Variants in TTLL1 observed in about 807,000 individuals in gnomAD.
The protein encoded by TTLL1 is TTL family tubulin polyglutamylase complex subunit L1.
In TTLL1, 33 loss-of-function variants were observed where a neutral mutation model predicts 47.8. That is an observed-to-expected ratio of 0.69 (90% CI 0.52 to 0.92). TTLL1 has a LOEUF of 0.92. TTLL1 is among the 40% of genes least tolerant of loss of function. TTLL1 has a pLI of 0.00. For synonymous variants in TTLL1, 225 were observed against 214.1 expected, an observed-to-expected ratio of 1.05 and a Z score of -0.45; for missense variants, 488 against 547.5, an observed-to-expected ratio of 0.89 and a Z score of 1.08.
rs1390398413 is a variant in TTLL1, at chr22:43,069,832, T to C, written c.126A>G (p.Gln42=). The change falls in exon 4 of 11, where the codon CAA becomes CAG. Residue 42 remains glutamine (Q), a synonymous_variant. Transcript: ENST00000266254. ...EDWNFYWMSV[Q]TIRNVFSVEA... ...CAACGCTGAACACATTTCGGATGGT[T>C]TGCACACTCATCCTGAAAGAGATGA... 24 of 1,614,040 alleles carry C rather than the reference T, an allele frequency of 1.5e-5. No individual in the cohort carries two copies. Among genetic ancestry groups the C allele is most frequent in the Non-Finnish European group, 1.9e-5 (23 of 1,180,050 alleles).
At chr22:43,074,994 C>G (rs1161646296) in intron 3 of TTLL1, among the ~76,000 whole-genome samples, 1 of 152,094 alleles carries the variant, frequency 6.6e-6, no homozygotes, top group African/African-American at 2.4e-5. Context: ...TGGTGAAACC[C>G]CGTCTCTACT....
chr22:43,072,554 C>A (rs1928200597), intron 3 of TTLL1, among the ~76,000 whole-genome samples: 1 of 152,174 alleles, frequency 6.6e-6, no homozygotes, highest in African/African-American at 2.4e-5. Context: ...TCACTGTAGT[C>A]TTGACCTCCT....
chr22:43,045,787 C>A (rs1357497315), intron 10 of TTLL1, among the ~76,000 whole-genome samples: 1 of 152,106 alleles, frequency 6.6e-6, no homozygotes, highest in African/African-American at 2.4e-5. Context: ...ACCCAGCCTA[C>A]TCCAGCTATC....
At chr22:43,075,191 C>G (rs1928402995) in intron 3 of TTLL1, among the ~76,000 whole-genome samples, 1 of 152,080 alleles carries the variant, frequency 6.6e-6, no homozygotes, top group South Asian at 2.1e-4. Context: ...ATAACGCACG[C>G]TCACTGGAAG....
At chr22:43,063,462 C>CTT (rs34847416) in intron 7 of TTLL1, among the ~76,000 whole-genome samples, 9 of 139,716 alleles carry the variant, frequency 6.4e-5, no homozygotes, top group Non-Finnish European at 9.3e-5. Flanking sequence ...AAAGTCGGTC[C>CTT]TTTTTTTTTT....
chr22:43,088,594 C>T (rs922122649), intron 1 of TTLL1, among the ~76,000 whole-genome samples: 17 of 151,910 alleles, frequency 1.1e-4, no homozygotes, highest in African/African-American at 3.4e-4. Flanking sequence ...CCTCCCGCCT[C>T]GGCCTCCCAA....
chr22:43,081,764 G>A (rs1369333860), intron 1 of TTLL1, among the ~76,000 whole-genome samples: 1 of 150,790 alleles, frequency 6.6e-6, no homozygotes, highest in Non-Finnish European at 1.5e-5. Context: ...GGCCAGGTTG[G>A]TCTTGAACTC....
chr22:43,083,377 AG>A (rs1929024758), intron 1 of TTLL1, among the ~76,000 whole-genome samples: 1 of 145,916 alleles, frequency 6.9e-6, no homozygotes, highest in East Asian at 1.9e-4. Flanking sequence ...TCAAACAAAC[AG>A]ACAAAAAACA....
intron 7 of TTLL1, 86 bp downstream of exon 7, chr22:43,063,727 A>T (rs1037672758): frequency 1.5e-6 from 2 of 1,307,288 alleles, no homozygotes; most frequent in Non-Finnish European, 1.1e-6. Context: ...CAGCCTCCCA[A>T]AGTGCCGGGA....
intron 8 of TTLL1, among the ~76,000 whole-genome samples, chr22:43,056,949 C>T (rs1927057184): frequency 1.3e-5 from 2 of 152,120 alleles, no homozygotes; most frequent in African/African-American, 4.8e-5. Flanking sequence ...TGTGCCACCA[C>T]GCCCGGCTAA....
Position 43,064,273 on chromosome 22 carries a change from G to T in TTLL1, c.555C>A (p.Asn185Lys). Residue 185 changes from asparagine to lysine, a missense_variant, in exon 6 of 11, where the codon AAC (asparagine) becomes AAA (lysine). By Grantham distance (94) the Asn-to-Lys change is moderately conservative. Coordinates refer to ENST00000266254, the MANE Select transcript of TTLL1 (RefSeq NM_012263.5). ...KEAYVISLYINNPLLIGGRKF... is the reference protein window; with the variant it reads ...KEAYVISLYIKNPLLIGGRKF... ...TCCTCCCGCCAATTAGTAACGGGTT[G>T]TTAATATAGAGAGAGATCACGTAGG... is the stretch of plus-strand genomic sequence containing the variant. 1 of 1,614,178 alleles carries T rather than the reference G, an allele frequency of 6.2e-7. No homozygotes were observed. Among genetic ancestry groups the T allele is most frequent in the Non-Finnish European group, 8.5e-7 (1 of 1,180,022 alleles).
intron 1 of TTLL1, among the ~76,000 whole-genome samples, chr22:43,088,565 G>A (rs569356758): frequency 1.3e-5 from 2 of 150,500 alleles, no homozygotes; most frequent in Non-Finnish European, 3.0e-5. Context: ...GGATGGTCTC[G>A]ATCTCCTGAC....
intron 1 of TTLL1, among the ~76,000 whole-genome samples, chr22:43,085,265 C>T (rs930400830): frequency 9.2e-5 from 14 of 152,248 alleles, no homozygotes; most frequent in African/African-American, 2.6e-4. Flanking sequence ...TGTGAGCCAC[C>T]GCGCCTGGCA....
chr22:43,078,758 C>T (rs1293738872), intron 2 of TTLL1, among the ~76,000 whole-genome samples: 4 of 152,106 alleles, frequency 2.6e-5, no homozygotes, highest in Non-Finnish European at 2.9e-5. Context: ...TTAGGTGATC[C>T]GATATGGTGC....
Position 43,064,167 on chromosome 22 carries a change from A to G in TTLL1, c.638+23T>C, listed in dbSNP as rs1927573250. 6 of 1,601,838 alleles carry G rather than the reference A, an allele frequency of 3.7e-6. No homozygotes were observed. In the East Asian group the frequency reaches 1.3e-4, roughly 36 times the overall value. Reference sequence around the variant, plus strand: ...TGGGTGAAAACACAATCAAGAGGGAACCAAAACCTTAGGGACGCTTACATG... The same window carrying G: ...TGGGTGAAAACACAATCAAGAGGGAGCCAAAACCTTAGGGACGCTTACATG... On this transcript the variant is annotated intron_variant, in intron 6 of 10. Transcript: ENST00000266254.
intron 1 of TTLL1, among the ~76,000 whole-genome samples, chr22:43,086,295 C>T (rs1929224110): frequency 6.6e-6 from 1 of 152,146 alleles, no homozygotes; most frequent in Admixed American, 6.6e-5. Context: ...ATGTTGAATG[C>T]AGCTCACAAT....
chr22:43,072,205 G>C (rs1194416581), intron 3 of TTLL1, among the ~76,000 whole-genome samples: 1 of 149,404 alleles, frequency 6.7e-6, no homozygotes, highest in African/African-American at 2.5e-5. Flanking sequence ...CCAGGCTGGA[G>C]TGTAGTGGCG....
chr22:43,080,902 C>CTTTTTTTTTTTTTTTTTTTTTTTTTTTT (rs10529079), intron 1 of TTLL1, among the ~76,000 whole-genome samples: 2 of 69,302 alleles, frequency 2.9e-5, no homozygotes, highest in African/African-American at 1.1e-4. Context: ...TGTTGCATGA[C>CTTTTTTTTTTTTTTTTTTTTTTTTTTTT]TTTTTTTTTT....
At chr22:43,048,999 A>AAGGCG (rs1197260356) in intron 9 of TTLL1, among the ~76,000 whole-genome samples, 2 of 152,122 alleles carry the variant, frequency 1.3e-5, no homozygotes, top group Non-Finnish European at 2.9e-5. Flanking sequence ...AGTGAAGAAG[A>AAGGCG]AGGCGAGAGT....
Sources: gnomAD v4.1 joint callset for allele counts (sites outside exome capture counted in the v4.1 genomes callset) on GRCh38, gnomAD v4.1.1 for gene constraint, MANE v1.5 for transcripts, NCBI Gene and HGNC (gene_info 2026-07-23, HGNC 2026-07-21) for gene names.